Variants in RAD51B observed in about 807,000 individuals in gnomAD.
RAD51B encodes DNA repair protein RAD51 homolog 2.
A neutral mutation model predicts 42.2 loss-of-function variants in RAD51B; 38 were observed. The observed-to-expected ratio is 0.90, with a 90% CI of 0.70 to 1.18. The LOEUF is 1.18. Ranked by LOEUF, RAD51B falls within the 50% of genes most tolerant of loss-of-function variation. The pLI is 0.00. For synonymous variants in RAD51B, 154 were observed against 145.2 expected (o/e 1.06, Z -0.43); for missense variants, 373 against 400.7 (o/e 0.93, Z 0.59).
At chr14:68,544,757 A>G (rs1296200246) in intron 10 of RAD51B, among the ~76,000 whole-genome samples, 2 of 152,228 alleles carry the variant, frequency 1.3e-5, no homozygotes, top group Non-Finnish European at 2.9e-5. Context: ...GAGAGCAGGC[A>G]TCAAGCCTAA....
In RAD51B at chr14:68,414,911, A is replaced by G. The variant is rs2084516470; in HGVS notation, c.957+3384A>G. Among the ~76,000 whole-genome samples the G allele has an allele frequency of 4.7e-5, 7 of 149,410 alleles. No individual in the cohort carries two copies. In the South Asian group the frequency reaches 1.5e-3, roughly 32 times the overall value. On this transcript the variant is annotated intron_variant, in intron 9 of 10. Transcript: ENST00000471583. ...GCCAGGCGTGGTGGCGCATACCTGT[A>G]GTCCCAGCTACCCAGGAGGCTGAGG...
intron 7 of RAD51B, among the ~76,000 whole-genome samples, chr14:68,151,559 A>AT (rs1487629733): frequency 1.3e-5 from 2 of 151,900 alleles, no homozygotes; most frequent in Non-Finnish European, 2.9e-5. Flanking sequence ...GCTAACTGAA[A>AT]TTGTCCCACA....
chr14:68,275,929 G>A (rs552619630), intron 7 of RAD51B, among the ~76,000 whole-genome samples: 13 of 151,966 alleles, frequency 8.6e-5, no homozygotes, highest in Non-Finnish European at 1.8e-4. Flanking sequence ...AGTGGTAGGA[G>A]GAGATTATGT....
chr14:68,216,371 T>C (rs2079815130), intron 7 of RAD51B, among the ~76,000 whole-genome samples: 2 of 152,234 alleles, frequency 1.3e-5, no homozygotes, highest in Non-Finnish European at 2.9e-5. Flanking sequence ...GCTGTGCTTG[T>C]GTTTGCTTCA....
At chr14:68,302,390 A>G (rs2081760560) in intron 8 of RAD51B, among the ~76,000 whole-genome samples, 1 of 152,168 alleles carries the variant, frequency 6.6e-6, no homozygotes, top group Non-Finnish European at 1.5e-5. Context: ...CTCTCTAGGA[A>G]CTTTACAACA....
At chr14:68,028,784 C>A (rs1336183236) in intron 7 of RAD51B, among the ~76,000 whole-genome samples, 1 of 152,198 alleles carries the variant, frequency 6.6e-6, no homozygotes, top group Non-Finnish European at 1.5e-5. Context: ...GATGTGCCCC[C>A]ATGCTGGCCC....
At chr14:68,380,455 T>C (rs772738875) in intron 8 of RAD51B, among the ~76,000 whole-genome samples, 4 of 152,204 alleles carry the variant, frequency 2.6e-5, no homozygotes, top group Non-Finnish European at 4.4e-5. Context: ...AGAGTTAATA[T>C]ACACCTATGT....
intron 7 of RAD51B, among the ~76,000 whole-genome samples, chr14:68,105,023 A>G (rs2077353073): frequency 6.6e-6 from 1 of 152,134 alleles, no homozygotes; most frequent in Non-Finnish European, 1.5e-5. Context: ...ATGAAACTTA[A>G]TGACCACACC....
intron 7 of RAD51B, among the ~76,000 whole-genome samples, chr14:67,913,050 A>G (rs2044041148): frequency 6.6e-6 from 1 of 152,152 alleles, no homozygotes; most frequent in South Asian, 2.1e-4. Context: ...TAATCTTTTA[A>G]TAGTATCGTA....
At position 67,833,233 on chromosome 14, in the gene RAD51B, G is replaced by A. The variant is rs760171085; in HGVS notation, c.199-1847G>A. On this transcript the variant is annotated intron_variant, in intron 3 of 10. Coordinates refer to ENST00000471583, the MANE Select transcript of RAD51B (RefSeq NM_133510.4). ...TCTACTAAAAATACAAAAATTAGCC[G>A]GGTCTGGTGGCAGGCACCTGTAATC... Among the ~76,000 whole-genome samples the A allele has an allele frequency of 8.2e-4, 125 of 152,172 alleles. 2 individuals are homozygous for A. Among genetic ancestry groups the A allele is most frequent in the Admixed American group, 2.0e-3 (31 of 15,282 alleles).
chr14:68,101,981 C>G (rs2077298130), intron 7 of RAD51B, among the ~76,000 whole-genome samples: 1 of 152,224 alleles, frequency 6.6e-6, no homozygotes, highest in Non-Finnish European at 1.5e-5. Flanking sequence ...CAATTCTTGT[C>G]TTCTGTGCAT....
intron 11 of RAD51B, among the ~76,000 whole-genome samples, chr14:68,673,602 T>G (rs971690399): frequency 8.4e-6 from 1 of 118,366 alleles, no homozygotes. Context: ...CATATGTACA[T>G]GCACACACAC....
chr14:68,224,756 G>A (rs772106521), intron 7 of RAD51B, among the ~76,000 whole-genome samples: 3 of 151,884 alleles, frequency 2.0e-5, no homozygotes, highest in Non-Finnish European at 4.4e-5. Flanking sequence ...GTACAGTGGC[G>A]CAGTCTTGGC....
chr14:68,513,242 C>T (rs1885871348), intron 10 of RAD51B, among the ~76,000 whole-genome samples: 1 of 152,206 alleles, frequency 6.6e-6, no homozygotes, highest in African/African-American at 2.4e-5. Context: ...CACTGGCATT[C>T]AGACACATGG....
chr14:68,377,724 G>A (rs999289067), intron 8 of RAD51B, among the ~76,000 whole-genome samples: 1 of 152,232 alleles, frequency 6.6e-6, no homozygotes, highest in Non-Finnish European at 1.5e-5. Flanking sequence ...CTCTGCTTTC[G>A]AAATCAAGCA....
chr14:68,672,749 GA>G (rs1289678347), intron 11 of RAD51B, among the ~76,000 whole-genome samples: 2 of 152,162 alleles, frequency 1.3e-5, no homozygotes, highest in Non-Finnish European at 2.9e-5. Flanking sequence ...ATAAGAGATG[GA>G]AAATAACCAT....
At chr14:67,942,945 G>A (rs867797547) in intron 7 of RAD51B, among the ~76,000 whole-genome samples, 5 of 151,970 alleles carry the variant, frequency 3.3e-5, no homozygotes, top group South Asian at 2.1e-4. Flanking sequence ...TTCTTGGTAC[G>A]TTCTTTTGTC....
At chr14:68,562,978 G>A (rs1457584240) in intron 10 of RAD51B, 4 of 985,412 alleles carry the variant, frequency 4.1e-6, no homozygotes, top group South Asian at 9.4e-5. Context: ...CGGAAGGCCC[G>A]GGCTGCTGCC....
chr14:68,456,784 C>T (rs112772234), intron 9 of RAD51B, among the ~76,000 whole-genome samples: 23,820 of 144,774 alleles, frequency 0.16, 2,460 homozygotes, highest in Non-Finnish European at 0.24. Flanking sequence ...ACATGTTCTT[C>T]TCAAGTATAA....
Sources: gnomAD v4.1 joint callset for allele counts (sites outside exome capture counted in the v4.1 genomes callset) on GRCh38, gnomAD v4.1.1 for gene constraint, MANE v1.5 for transcripts, NCBI Gene and HGNC (gene_info 2026-07-23, HGNC 2026-07-21) for gene names.